The following POLRMT variants were observed in gnomAD, a reference collection of about 807,000 sequenced individuals.
POLRMT encodes the protein DNA-directed RNA polymerase, mitochondrial.
POLRMT carries 114 observed loss-of-function variants against 132.2 expected under a neutral mutation model. The ratio of observed to expected loss-of-function variants is 0.86; its 90% CI spans 0.74 to 1.01. The LOEUF (loss-of-function observed/expected upper bound fraction) is 1.01. Among genes scored for constraint, POLRMT ranks in the 50% least tolerant of loss-of-function variants. The probability of loss-of-function intolerance (pLI) is 0.00; values close to 1 mark genes in which losing one functional copy is unlikely to be tolerated. For synonymous variants in POLRMT, 1,020 were observed against 773.4 expected (o/e 1.32, Z -5.29); for missense variants, 2,003 against 1,729.1 (o/e 1.16, Z -2.81).
At chr19:622,127 T>G (rs948691827) in intron 9 of POLRMT, 22 bp downstream of exon 9, 1 of 1,519,164 alleles carries the variant, frequency 6.6e-7, no homozygotes, top group Admixed American at 1.9e-5. Flanking sequence ...GCCCCCCAGC[T>G]CAGGAGGGCA....
intron 9 of POLRMT, 121 bp from the exon 10 acceptor site, chr19:621,967 C>G (rs901863220): frequency 1.6e-6 from 2 of 1,289,158 alleles, no homozygotes; most frequent in African/African-American, 3.0e-5. Context: ...TGGCCTCCCA[C>G]GAACAGAAGC....
rs759402471 is a variant in POLRMT, at chr19:623,003, G to GC, written c.1291-19dup. On this transcript the variant is annotated intron_variant, in intron 6 of 20. Transcript: ENST00000588649. ...GTCTTCCGCTGCGGGGGATGAACGG[G>GC]CCCGGTGAGCCCCGTGGCAGCTGGT... 1 of 1,608,012 alleles carries GC rather than the reference G, an allele frequency of 6.2e-7. No homozygotes were observed. The highest frequency in any genetic ancestry group is 8.5e-7 in the Non-Finnish European group (1 of 1,177,376).
Position 617,763 on chromosome 19 carries a change from G to A in POLRMT, c.3495+14C>T, listed in dbSNP as rs1204935462. ...CCACCCATGGGTGGACTGAGGCTCA[G>A]ACTACGGGGGCACCTGGTTCATGAC... On this transcript the variant is annotated intron_variant, in intron 18 of 20. Coordinates refer to ENST00000588649, the MANE Select transcript of POLRMT (RefSeq NM_005035.4). 2.5e-6 allele frequency: 4 copies of A among 1,612,962 alleles called. No individual in the cohort carries two copies. Among genetic ancestry groups the A allele is most frequent in the African/African-American group, 1.3e-5 (1 of 74,894 alleles).
rs771832133 is a variant in POLRMT, at chr19:621,699, G to A, written c.1999C>T (p.Pro667Ser). Reference sequence around the variant, plus strand: ...TCCACCGTGCGCATCAGCTTGGTGGGGCTGAGCAGGAAAGCACCAGAGTGC... The same window carrying A: ...TCCACCGTGCGCATCAGCTTGGTGGAGCTGAGCAGGAAAGCACCAGAGTGC... ...SPHSGAFLLS[P>S]TKLMRTVEGA... The change falls in exon 10 of 21, where the codon CCC becomes TCC. Residue 667 changes from proline to serine, a missense_variant. Transcript: ENST00000588649. The A allele has an allele frequency of 9.5e-6, 15 of 1,587,164 alleles. No homozygotes were observed. Among genetic ancestry groups the A allele is most frequent in the Non-Finnish European group, 1.2e-5 (14 of 1,170,380 alleles).
intron 13 of POLRMT, 57 bp from the exon 14 acceptor site, chr19:619,353 C>T (rs1984309521): frequency 3.2e-6 from 5 of 1,556,252 alleles, no homozygotes; most frequent in Admixed American, 3.4e-5. Context: ...TCACGCCCTA[C>T]TCCCCCCTAT....
At chr19:617,732 G>A in intron 18 of POLRMT, 45 bp downstream of exon 18, 1 of 1,611,058 alleles carries the variant, frequency 6.2e-7, no homozygotes, top group Non-Finnish European at 8.5e-7. Context: ...CCCCAGTGTG[G>A]GGGCCCCACC....
Position 622,633 on chromosome 19 carries a change from C to A in POLRMT, c.1575G>T (p.Ala525=). The change falls in exon 8 of 21, where the codon GCG becomes GCT. Residue 525 remains alanine (A), a synonymous_variant. Coordinates refer to ENST00000588649, the MANE Select transcript of POLRMT (RefSeq NM_005035.4). ...GGTACTTCCTGTAGTGGTTCTGCAG[C>A]GCCTGCACCTGGCCACTGACCCGCT... ...QRQRVSGQVQ[A]LQNHYRKYLC... The A allele has an allele frequency of 6.2e-7, 1 of 1,607,358 alleles. No homozygotes were observed. Among genetic ancestry groups the A allele is most frequent in the Non-Finnish European group, 8.5e-7 (1 of 1,178,418 alleles).
At position 629,857 on chromosome 19, in the gene POLRMT, T is replaced by C. The variant is rs562302413; in HGVS notation, c.505A>G (p.Lys169Glu). The change falls in exon 3 of 21, where the codon AAG (lysine) becomes GAG (glutamate). Residue 169 changes from lysine to glutamate, a missense_variant. Transcript: ENST00000588649. ...TCCTCCAGGCACCCGGCCATCTGCT[T>C]GCTCAGGAGCCGGGGCTCCACCTGC... Reference protein sequence around the residue: ...RLQVEPRLLSKQMAGCLEDCT... With the variant: ...RLQVEPRLLSEQMAGCLEDCT... The C allele has an allele frequency of 1.4e-5, 23 of 1,608,088 alleles. No individual in the cohort carries two copies. In the East Asian group the frequency reaches 4.9e-4, roughly 34 times the overall value.
chr19:622,128 CAG>C lies in POLRMT; in HGVS notation c.1851+19_1851+20del, dbSNP rs765250828. The C allele has an allele frequency of 4.6e-6, 7 of 1,526,582 alleles. No individual in the cohort carries two copies. The South Asian group carries it at 4.8e-5, about 10-fold the overall frequency. The allele number at this position is 1,526,582 out of a possible 1,614,324, so 94.6% of individuals were successfully genotyped here. A position where few individuals can be genotyped will look rare whatever the true frequency, so the allele number is the denominator to read the frequency against. On this transcript the variant is annotated intron_variant, in intron 9 of 20. Coordinates refer to ENST00000588649, the MANE Select transcript of POLRMT (RefSeq NM_005035.4). Reference sequence around the variant, plus strand: ...CCTCCCAGCGGGATGCCCCCCAGCTCAGGAGGGCACTGCCTGGCACCTGCTGG... The same window carrying C: ...CCTCCCAGCGGGATGCCCCCCAGCTCGAGGGCACTGCCTGGCACCTGCTGG...
Position 622,861 on chromosome 19 carries a change from C to T in POLRMT, c.1415G>A (p.Cys472Tyr), listed in dbSNP as rs1250372485. The T allele has an allele frequency of 6.2e-7, 1 of 1,607,838 alleles. No homozygotes were observed. Among genetic ancestry groups the T allele is most frequent in the Non-Finnish European group, 8.5e-7 (1 of 1,177,758 alleles). ...EGRFSLYPFLCLLDEREVVRM... is the reference protein window; with the variant it reads ...EGRFSLYPFLYLLDEREVVRM... ...CACCACCTCGCGCTCGTCCAGCAGG[C>T]ACAGGAAGGGGTAAAGTGAGAACCG... is the stretch of plus-strand genomic sequence containing the variant. Residue 472 changes from cysteine to tyrosine, a missense_variant, in exon 7 of 21, where the codon TGC (cysteine) becomes TAC (tyrosine). Transcript: ENST00000588649.
At chr19:625,315 C>T (rs1984949169) in intron 3 of POLRMT, 61 bp from the exon 4 acceptor site, 1 of 1,599,424 alleles carries the variant, frequency 6.3e-7, no homozygotes, top group African/African-American at 1.3e-5. Flanking sequence ...ATCCTCCCTG[C>T]TCCCTGGAGA....
rs1487844460 is a variant in POLRMT at position 621,170 on chromosome 19, A to G, written c.2528T>C (p.Ile843Thr). 3 of 1,610,736 alleles carry G rather than the reference A, an allele frequency of 1.9e-6. No individual in the cohort carries two copies. Among genetic ancestry groups the G allele is most frequent in the African/African-American group, 1.3e-5 (1 of 74,854 alleles). The stretch of plus-strand genomic sequence containing the variant: ...CAACCCCGTGAGATTGACCAGGTGG[A>G]TCTTGAGCCAATCCAGGCCGTGCGG... ...LGPHGLDWLK[I>T]HLVNLTGLKK... is the part of the protein sequence containing the mutation. The change falls in exon 10 of 21, where the codon ATC (isoleucine) becomes ACC (threonine). Residue 843 changes from isoleucine (I) to threonine (T), a missense_variant. Transcript: ENST00000588649.
intron 17 of POLRMT, chr19:618,281 CCT>C (rs1220794016): frequency 1.7e-5 from 10 of 572,210 alleles, no homozygotes; most frequent in Middle Eastern, 9.2e-4. Flanking sequence ...CTCGGCTCTC[CCT>C]GTCGGGCCAC....
chr19:626,090 T>G (rs559199935), intron 3 of POLRMT, among the ~76,000 whole-genome samples: 1 of 152,114 alleles, frequency 6.6e-6, no homozygotes, highest in Non-Finnish European at 1.5e-5. Context: ...ACAGGTGGTG[T>G]TTTCATTTTC....
chr19:618,300 G>A (rs906381562), intron 17 of POLRMT, 188 bp downstream of exon 17: 3 of 583,250 alleles, frequency 5.1e-6, no homozygotes, highest in Non-Finnish European at 9.1e-6. Context: ...CCACAGGAGG[G>A]GAGCTGCCAG....
Position 628,228 on chromosome 19 carries a change from G to A in POLRMT, c.822+1312C>T, listed in dbSNP as rs1458354332. On this transcript the variant is annotated intron_variant, in intron 3 of 20. Coordinates refer to ENST00000588649, the MANE Select transcript of POLRMT (RefSeq NM_005035.4). ...AGAGTGCGTTTCTGCTGTGCAAGCC[G>A]CCAGGTTTGGGACACTTTCGTAGGG... 2.6e-5 allele frequency among the ~76,000 whole-genome samples: 4 copies of A among 152,316 alleles called. No homozygotes were observed. The East Asian group carries it at 5.8e-4, about 22-fold the overall frequency.
chr19:627,482 T>C (rs1600586893), intron 3 of POLRMT, among the ~76,000 whole-genome samples: 2 of 152,008 alleles, frequency 1.3e-5, no homozygotes, highest in African/African-American at 2.4e-5. Context: ...ACAACCTCTG[T>C]ATGGTAGACC....
Position 621,075 on chromosome 19 carries a change from C to G in POLRMT, c.2623G>C (p.Ala875Pro). The G allele has an allele frequency of 1.2e-6, 2 of 1,603,076 alleles. No individual in the cohort carries two copies. Among genetic ancestry groups the G allele is most frequent in the Non-Finnish European group, 1.7e-6 (2 of 1,176,450 alleles). ...EEVMDDILDSADQPLTGRKWW... is the reference protein window; with the variant it reads ...EEVMDDILDSPDQPLTGRKWW... ...GCCCCTACCGTCAAGGGTTGGTCCG[C>G]GGAGTCCAGGATGTCATCCATCACC... The change falls in exon 10 of 21, where the codon GCG becomes CCG. Residue 875 changes from alanine (A) to proline (P), a missense_variant. By Grantham distance (27) the Ala-to-Pro change is conservative. Transcript: ENST00000588649.
chr19:617,970 GGCCTCGCCCCACCCCTC>G, intron 17 of POLRMT, 121 bp from the exon 18 acceptor site: 1 of 824,562 alleles, frequency 1.2e-6, no homozygotes, highest in South Asian at 1.6e-5. Flanking sequence ...CCCTCCTGCA[GGCCTCGCCCCACCCCTC>G]GCCCCGCCCC....
Sources: allele counts gnomAD v4.1 joint callset (sites outside exome capture counted in the v4.1 genomes callset), GRCh38; gene constraint gnomAD v4.1.1; transcripts MANE v1.5; gene names NCBI Gene and HGNC (gene_info 2026-07-23, HGNC 2026-07-21).